Variants in PRELID2 observed in about 807,000 individuals in gnomAD.
PRELID2 encodes PRELI domain-containing protein 2.
A neutral mutation model predicts 28.4 loss-of-function variants in PRELID2; 25 were observed. That is an observed-to-expected ratio of 0.88 (90% CI 0.64 to 1.23). The LOEUF (loss-of-function observed/expected upper bound fraction) is 1.23. Ranked by LOEUF, PRELID2 falls within the 50% of genes most tolerant of loss-of-function variation. The pLI is 0.00. For missense variants in PRELID2, 201 were observed against 214.4 expected, an observed-to-expected ratio of 0.94 and a Z score of 0.39; for synonymous variants, 76 against 71.6, an observed-to-expected ratio of 1.06 and a Z score of -0.31.
At chr5:145,813,314 C>T (rs976414549) in intron 4 of PRELID2, among the ~76,000 whole-genome samples, 2 of 152,180 alleles carry the variant, frequency 1.3e-5, no homozygotes, top group Non-Finnish European at 2.9e-5. Flanking sequence ...CCCACCCCAT[C>T]CCATTACCCA....
intron 1 of PRELID2, among the ~76,000 whole-genome samples, chr5:145,828,914 C>A (rs1407165326): frequency 7.2e-6 from 1 of 139,110 alleles, no homozygotes; most frequent in Non-Finnish European, 1.5e-5. Context: ...TTACAGCTCA[C>A]TGCAACCTCT....
chr5:145,527,362 A>T (rs1752617176), intron 1 of PRELID2, among the ~76,000 whole-genome samples: 1 of 152,220 alleles, frequency 6.6e-6, no homozygotes, highest in Non-Finnish European at 1.5e-5. Context: ...TGATTGTGAT[A>T]TTATACTAAA....
chr5:145,414,881 C>T, the PRELID2 span, among the ~76,000 whole-genome samples: 1 of 152,114 alleles, frequency 6.6e-6, no homozygotes, highest in Non-Finnish European at 1.5e-5. Context: ...TTCTGTTTAC[C>T]ATTTATATGT....
the PRELID2 span, among the ~76,000 whole-genome samples, chr5:145,326,237 CTCAAGTGATGTT>C: frequency 6.6e-6 from 1 of 152,110 alleles, no homozygotes; most frequent in African/African-American, 2.4e-5. Context: ...AACTCCTGAG[CTCAAGTGATGTT>C]CACACCTCAG....
intron 4 of PRELID2, among the ~76,000 whole-genome samples, chr5:145,807,281 A>G (rs1020482158): frequency 1.3e-5 from 2 of 152,186 alleles, no homozygotes; most frequent in Admixed American, 6.5e-5. Flanking sequence ...TACTTATGTC[A>G]TCGAATGCTC....
chr5:145,736,620 C>T (rs1371745837), intron 1 of PRELID2, among the ~76,000 whole-genome samples: 1 of 152,126 alleles, frequency 6.6e-6, no homozygotes, highest in East Asian at 1.9e-4. Flanking sequence ...TTTTCATCTT[C>T]CATACTTCTG....
chr5:145,336,110 T>G, the PRELID2 span, among the ~76,000 whole-genome samples: 1 of 152,374 alleles, frequency 6.6e-6, no homozygotes, highest in Non-Finnish European at 1.5e-5. Flanking sequence ...GCCCACTTTC[T>G]GATGGGGTTG....
intron 1 of PRELID2, among the ~76,000 whole-genome samples, chr5:145,702,317 T>C (rs1446008029): frequency 6.6e-6 from 1 of 152,172 alleles, no homozygotes. Context: ...CCACTCCTTG[T>C]CTCATCTGTG....
chr5:145,812,283 A>G (rs958001243), intron 4 of PRELID2, among the ~76,000 whole-genome samples: 2 of 152,134 alleles, frequency 1.3e-5, no homozygotes, highest in Admixed American at 1.3e-4. Context: ...AAAAGTGGAC[A>G]TACAGAGAAA....
chr5:145,784,070 C>G (rs888455455), intron 5 of PRELID2, among the ~76,000 whole-genome samples: 2 of 151,972 alleles, frequency 1.3e-5, no homozygotes, highest in Admixed American at 6.6e-5. Flanking sequence ...TCACTTGAGG[C>G]CACAGGTCCG....
the PRELID2 span, among the ~76,000 whole-genome samples, chr5:145,277,097 C>T: frequency 6.6e-6 from 1 of 152,070 alleles, no homozygotes; most frequent in African/African-American, 2.4e-5. Context: ...CTGTGCCACA[C>T]CAAGCCTAGG....
At chr5:145,428,949 A>T in the PRELID2 span, among the ~76,000 whole-genome samples, 20 of 152,180 alleles carry the variant, frequency 1.3e-4, no homozygotes, top group Non-Finnish European at 2.9e-4. Flanking sequence ...ACAAAGTCCA[A>T]AGAGGAGTAG....
chr5:145,300,284 G>A, the PRELID2 span, among the ~76,000 whole-genome samples: 3 of 151,996 alleles, frequency 2.0e-5, no homozygotes, highest in South Asian at 6.2e-4. Context: ...CCTCATACCT[G>A]AAAATAGTCA....
intron 1 of PRELID2, among the ~76,000 whole-genome samples, chr5:145,593,906 G>A (rs1290239970): frequency 1.3e-5 from 2 of 152,106 alleles, no homozygotes; most frequent in Admixed American, 1.3e-4. Flanking sequence ...GAGACAATCT[G>A]GGAACCTTGA....
chr5:145,696,396 G>A (rs558737076), intron 1 of PRELID2, among the ~76,000 whole-genome samples: 96 of 151,962 alleles, frequency 6.3e-4, no homozygotes, highest in East Asian at 5.8e-4. Flanking sequence ...CCTTTCATTC[G>A]TTCGTTCATT....
the PRELID2 span, among the ~76,000 whole-genome samples, chr5:145,262,021 G>A: frequency 6.6e-6 from 1 of 152,146 alleles, no homozygotes; most frequent in Non-Finnish European, 1.5e-5. Flanking sequence ...CATCCAGAAT[G>A]AAGGACACAC....
chr5:145,463,633 C>T, the PRELID2 span, among the ~76,000 whole-genome samples: 1 of 152,124 alleles, frequency 6.6e-6, no homozygotes, highest in African/African-American at 2.4e-5. Context: ...TCACTGTCTA[C>T]TGGTGACCCA....
intron 1 of PRELID2, among the ~76,000 whole-genome samples, chr5:145,501,090 C>T (rs1186669039): frequency 6.6e-6 from 1 of 152,138 alleles, no homozygotes; most frequent in Admixed American, 6.5e-5. Flanking sequence ...ATGTCTCTTT[C>T]TCACAATATA....
At chr5:145,274,235 A>G in the PRELID2 span, among the ~76,000 whole-genome samples, 2 of 152,160 alleles carry the variant, frequency 1.3e-5, no homozygotes, top group Non-Finnish European at 2.9e-5. Flanking sequence ...AGTTACGACA[A>G]TAGAATGGTG....
Sources: gnomAD v4.1 joint callset for allele counts (sites outside exome capture counted in the v4.1 genomes callset) on GRCh38, gnomAD v4.1.1 for gene constraint, MANE v1.5 for transcripts, NCBI Gene and HGNC (gene_info 2026-07-23, HGNC 2026-07-21) for gene names.